The following GOLGA8H variants were observed in gnomAD, a reference collection of about 807,000 sequenced individuals.
The protein encoded by GOLGA8H is golgin subfamily A member 8H.
GOLGA8H carries 47 observed loss-of-function variants against 82.7 expected under a neutral mutation model. The ratio of observed to expected loss-of-function variants is 0.57; its 90% confidence interval spans 0.45 to 0.73. The LOEUF is 0.73. Ranked by LOEUF, GOLGA8H falls within the 30% of genes least tolerant of loss-of-function variation. The pLI, the probability that GOLGA8H is intolerant of heterozygous loss-of-function variation, is 0.00. For missense variants in GOLGA8H, 372 were observed against 661.0 expected, an observed-to-expected ratio of 0.56 and a Z score of 4.79; for synonymous variants, 108 against 241.6, an observed-to-expected ratio of 0.45 and a Z score of 5.13.
intron 11 of GOLGA8H, 150 bp downstream of exon 11, chr15:30,610,539 C>A: frequency 3.4e-6 from 3 of 888,024 alleles, no homozygotes; most frequent in Admixed American, 4.6e-5. Context: ...CTTGTCATCT[C>A]AATGAGTCTC....
intron 2 of GOLGA8H, among the ~76,000 whole-genome samples, chr15:30,606,269 G>T (rs1319006065): frequency 6.6e-6 from 1 of 151,356 alleles, no homozygotes; most frequent in African/African-American, 2.4e-5. Context: ...GCAAGAGAAT[G>T]GTGTGAACCT....
Position 30,609,981 on chromosome 15 carries a change from C to T in GOLGA8H, c.679-18C>T. On this transcript the variant is annotated intron_variant, in intron 9 of 18. Coordinates refer to ENST00000566740, the MANE Select transcript of GOLGA8H (RefSeq NM_001282490.2). ...GACCAGTGACAGCCCTTCCTAAGTT[C>T]TGTGCCCATTCTTGCAGTTGAAGGA... is the stretch of plus-strand genomic sequence containing the variant. 3.7e-6 allele frequency: 6 copies of T among 1,610,328 alleles called. No homozygotes were observed. The highest frequency in any genetic ancestry group is 5.1e-6 in the Non-Finnish European group (6 of 1,178,902).
Position 30,610,646 on chromosome 15 carries a change from G to A in GOLGA8H, c.875-120G>A, listed in dbSNP as rs538151785. ...CTTTGGAAGACTGGCTACCATCTGG[G>A]TGCGAGGAATCATTAGCAGTGAGGC... On this transcript the variant is annotated intron_variant, in intron 11 of 18. Coordinates refer to ENST00000566740, the MANE Select transcript of GOLGA8H (RefSeq NM_001282490.2). 5.9e-6 allele frequency: 8 copies of A among 1,358,786 alleles called. No individual in the cohort carries two copies. The African/African-American group carries it at 7.9e-5, about 13-fold the overall frequency. The allele number at this position is 1,358,786 out of a possible 1,614,324, so 84.2% of individuals were successfully genotyped here.
intron 8 of GOLGA8H, among the ~76,000 whole-genome samples, 181 bp downstream of exon 8, chr15:30,608,937 T>TG (rs1173088476): frequency 1.5e-4 from 19 of 125,552 alleles, no homozygotes; most frequent in African/African-American, 4.1e-4. Context: ...GTGGGTGAGT[T>TG]GGGGGTCACT....
In GOLGA8H at chr15:30,611,433, G is replaced by T. The variant is rs1460184228; in HGVS notation, c.1200+87G>T. On this transcript the variant is annotated intron_variant, in intron 13 of 18. Coordinates refer to ENST00000566740, the MANE Select transcript of GOLGA8H (RefSeq NM_001282490.2). ...TGGGAGGGGAGGTGCCAGGCCAGAG[G>T]CAGCTTCCAGCCTGGGGGCTGGTGA... The T allele has an allele frequency of 4.5e-5, 68 of 1,509,334 alleles. 1 individual carries two copies. The highest frequency in any genetic ancestry group is 6.1e-5 in the Non-Finnish European group (68 of 1,123,254). 93.5% of individuals were successfully genotyped at this position (1,509,334 alleles called of 1,614,324 possible).
chr15:30,609,134 T>TGTGG (rs1367560141), intron 8 of GOLGA8H, among the ~76,000 whole-genome samples: 2 of 120,220 alleles, frequency 1.7e-5, no homozygotes, highest in Non-Finnish European at 3.6e-5. Flanking sequence ...TGTGTGTGTG[T>TGTGG]GTGTGTGTGT....
rs936563761 is a variant in GOLGA8H, at chr15:30,614,966, T to C, written c.*405T>C. 2.0e-5 allele frequency among the ~76,000 whole-genome samples: 3 copies of C among 151,890 alleles called. No individual in the cohort carries two copies. The highest frequency in any genetic ancestry group is 7.3e-5 in the African/African-American group (3 of 41,366). On this transcript the variant is annotated 3_prime_UTR_variant, in exon 19 of 19. Transcript: ENST00000566740. ...ATTCACTACAGAATTCAGACAAAAT[T>C]TGCCTATGTTCTGCTGTTGTTTGAT...
intron 4 of GOLGA8H, chr15:30,607,722 C>T (rs2059944257): frequency 1.7e-6 from 1 of 596,412 alleles, no homozygotes; most frequent in Admixed American, 3.0e-5. Flanking sequence ...TGAATGAACC[C>T]ACTTCTCTAA....
At chr15:30,611,485 T>C (rs1487522234) in intron 13 of GOLGA8H, 139 bp downstream of exon 13, 53 of 1,529,440 alleles carry the variant, frequency 3.5e-5, no homozygotes, top group Non-Finnish European at 4.4e-5. Context: ...GGCAGTCCTG[T>C]GACTGTTTCT....
chr15:30,608,765 A>C lies in GOLGA8H; in HGVS notation c.591+9A>C, dbSNP rs1177519825. 1 of 1,414,334 alleles carries C rather than the reference A, an allele frequency of 7.1e-7. No homozygotes were observed. The highest frequency in any genetic ancestry group is 1.5e-5 in the African/African-American group (1 of 68,096). 87.6% of individuals were successfully genotyped at this position (1,414,334 alleles called of 1,614,324 possible). A position where few individuals can be genotyped will look rare whatever the true frequency, so the allele number is the denominator to read the frequency against. The stretch of plus-strand genomic sequence containing the variant: ...AGAAGAAGGCAAACCAGGTGAGTCC[A>C]ACCACCTGCCCCATCCCCTGGGAGC... On this transcript the variant is annotated intron_variant, in intron 8 of 18. Coordinates refer to ENST00000566740, the MANE Select transcript of GOLGA8H (RefSeq NM_001282490.2).
Position 30,610,707 on chromosome 15 carries a change from G to A in GOLGA8H, c.875-59G>A. 6.7e-6 allele frequency: 4 copies of A among 593,604 alleles called. No homozygotes were observed. In the East Asian group the frequency reaches 1.1e-4, roughly 16 times the overall value. 36.8% of individuals were successfully genotyped at this position (593,604 alleles called of 1,614,324 possible). On this transcript the variant is annotated intron_variant, in intron 11 of 18. Coordinates refer to ENST00000566740, the MANE Select transcript of GOLGA8H (RefSeq NM_001282490.2). ...GAGCCTGAGAGGAGCTGTGCGCCAA[G>A]AGGAGGGTTTTTCTTTTCCGAGAAT... is the stretch of plus-strand genomic sequence containing the variant.
chr15:30,604,045 G>T lies in GOLGA8H; in HGVS notation c.-81G>T. The T allele has an allele frequency of 1.4e-6, 2 of 1,466,332 alleles. No individual in the cohort carries two copies. The highest frequency in any genetic ancestry group is 4.5e-5 in the East Asian group (2 of 44,114). 90.8% of individuals were successfully genotyped at this position (1,466,332 alleles called of 1,614,324 possible). The stretch of plus-strand genomic sequence containing the variant: ...TCTGGCTCACTCACACAGCTGCCTG[G>T]TAGGTGACTGGAGGCCTTGATTGGT... On this transcript the variant is annotated 5_prime_UTR_variant, in exon 1 of 19. Transcript: ENST00000566740.
At position 30,611,280 on chromosome 15, in the gene GOLGA8H, C is replaced by T; in HGVS notation, c.1134C>T (p.Asn378=). 1.0e-6 allele frequency: 1 copy of T among 990,940 alleles called. No individual in the cohort carries two copies. The highest frequency in any genetic ancestry group is 1.5e-6 in the Non-Finnish European group (1 of 659,652). 61.4% of individuals were successfully genotyped at this position (990,940 alleles called of 1,614,324 possible). Residue 378 remains asparagine, a splice_region_variant and synonymous_variant, in exon 13 of 19, where the codon AAC becomes AAT. Coordinates refer to ENST00000566740, the MANE Select transcript of GOLGA8H (RefSeq NM_001282490.2). ...GCTGATTGCTTCTCTCTGTCCAGAA[C>T]AATGAGAACAAGAACGCACTGCAGT... is the stretch of plus-strand genomic sequence containing the variant. ...AKPQSVFEEP[N]NENKNALQLE... is the part of the protein sequence containing the mutation.
Position 30,610,114 on chromosome 15 carries a change from C to A in GOLGA8H, c.786+8C>A, listed in dbSNP as rs535800915. 6.2e-7 allele frequency: 1 copy of A among 1,610,706 alleles called. No homozygotes were observed. The highest frequency in any genetic ancestry group is 1.1e-5 in the South Asian group (1 of 90,968). On this transcript the variant is annotated splice_region_variant and intron_variant, in intron 10 of 18. Coordinates refer to ENST00000566740, the MANE Select transcript of GOLGA8H (RefSeq NM_001282490.2). ...AGAAAAATGTCGCAGGAGGTGAGAT[C>A]TCACCCTTCAGCCCCCCCACATTAG...
Position 30,604,212 on chromosome 15 carries a change from C to T in GOLGA8H, c.48+39C>T, listed in dbSNP as rs753244517. The T allele has an allele frequency of 1.2e-5, 14 of 1,206,034 alleles. 1 individual carries two copies. The East Asian group carries it at 3.5e-4, about 30-fold the overall frequency. 74.7% of individuals were successfully genotyped at this position (1,206,034 alleles called of 1,614,324 possible). A position where few individuals can be genotyped will look rare whatever the true frequency, so the allele number is the denominator to read the frequency against. ...AGGTCATAGACCCTCAACCCAGCCA[C>T]AGATCCCCTCTGATGACAAGACCCC... On this transcript the variant is annotated intron_variant, in intron 1 of 18. Transcript: ENST00000566740.
In GOLGA8H at chr15:30,613,016, G is replaced by T. The variant is rs1270291604; in HGVS notation, c.1277-88G>T. The T allele has an allele frequency of 4.6e-5, 37 of 808,318 alleles. No individual in the cohort carries two copies. In the African/African-American group the frequency reaches 7.7e-4, roughly 17 times the overall value. 50.1% of individuals were successfully genotyped at this position (808,318 alleles called of 1,614,324 possible). On this transcript the variant is annotated intron_variant, in intron 14 of 18. Coordinates refer to ENST00000566740, the MANE Select transcript of GOLGA8H (RefSeq NM_001282490.2). ...CCTCTCTGGGGAGGGGCAGGCTCAG[G>T]GTTACACAGTGAGGGTGGAGGTAGA...
At chr15:30,606,108 A>C in intron 2 of GOLGA8H, 146 bp downstream of exon 2, 2 of 1,423,542 alleles carry the variant, frequency 1.4e-6, no homozygotes, top group African/African-American at 1.4e-5. Context: ...TAATCCTAGC[A>C]CTTTGGGAGG....
rs1268758519 is a variant in GOLGA8H at position 30,609,923 on chromosome 15, G to C, written c.678+31G>C. 3.2e-6 allele frequency: 5 copies of C among 1,574,850 alleles called. No homozygotes were observed. The South Asian group carries it at 4.4e-5, about 14-fold the overall frequency. On this transcript the variant is annotated intron_variant, in intron 9 of 18. Coordinates refer to ENST00000566740, the MANE Select transcript of GOLGA8H (RefSeq NM_001282490.2). The stretch of plus-strand genomic sequence containing the variant: ...GTTTTCTGAGGGAGTTATGTGGAAG[G>C]AAGATGACCCCAGGTGGCCAGGAGC...
intron 2 of GOLGA8H, among the ~76,000 whole-genome samples, chr15:30,606,556 CCTG>C (rs2140813984): frequency 6.6e-6 from 1 of 151,822 alleles, no homozygotes; most frequent in Non-Finnish European, 1.5e-5. Flanking sequence ...TAGTACATGG[CCTG>C]CTGTAAACAC....
Sources: gnomAD v4.1 joint callset for allele counts (sites outside exome capture counted in the v4.1 genomes callset) on GRCh38, gnomAD v4.1.1 for gene constraint, MANE v1.5 for transcripts, NCBI Gene and HGNC (gene_info 2026-07-23, HGNC 2026-07-21) for gene names.